The following MECOM variants were observed in gnomAD, a reference collection of about 807,000 sequenced individuals.
The protein encoded by MECOM is histone-lysine N-methyltransferase MECOM.
MECOM carries 13 observed loss-of-function variants against 116.3 expected under a neutral mutation model. That is an observed-to-expected ratio of 0.11 (90% CI 0.07 to 0.18). The LOEUF is 0.18. MECOM is among the 10% of genes least tolerant of loss of function. The pLI is 1.00. For missense variants in MECOM, 1,299 were observed against 1,509.0 expected (o/e 0.86, Z 2.31); for synonymous variants, 528 against 535.2 (o/e 0.99, Z 0.19).
intron 1 of MECOM, among the ~76,000 whole-genome samples, chr3:169,415,107 G>A (rs1738319358): frequency 6.6e-6 from 1 of 152,162 alleles, no homozygotes; most frequent in Non-Finnish European, 1.5e-5. Context: ...TGAAATGAAG[G>A]AAAATTTGTT....
chr3:169,192,062 T>C (rs937874939), intron 2 of MECOM, among the ~76,000 whole-genome samples: 3 of 152,074 alleles, frequency 2.0e-5, no homozygotes, highest in African/African-American at 7.2e-5. Context: ...CTTGATTTAC[T>C]GGACTGTTAA....
intron 2 of MECOM, among the ~76,000 whole-genome samples, chr3:169,169,221 G>T (rs1212864916): frequency 6.6e-6 from 1 of 151,736 alleles, no homozygotes; most frequent in African/African-American, 2.4e-5. Flanking sequence ...AATTACACAT[G>T]ATTTTTAGCA....
chr3:169,157,752 T>C (rs1742202836), intron 2 of MECOM, among the ~76,000 whole-genome samples: 1 of 152,190 alleles, frequency 6.6e-6, no homozygotes, highest in Non-Finnish European at 1.5e-5. Context: ...GTTTTCTATG[T>C]AGTTCTTGGC....
chr3:169,504,768 A>G (rs1754990936), intron 1 of MECOM, among the ~76,000 whole-genome samples: 1 of 152,206 alleles, frequency 6.6e-6, no homozygotes, highest in Non-Finnish European at 1.5e-5. Flanking sequence ...TTGCCTATCC[A>G]GAAACCAGGG....
intron 2 of MECOM, among the ~76,000 whole-genome samples, chr3:169,259,116 G>T (rs1274167): frequency 0.89 from 135,562 of 152,178 alleles, 60,857 homozygotes; most frequent in East Asian, 0.95. Flanking sequence ...CTAATGAGTT[G>T]TATTATATTT....
intron 2 of MECOM, among the ~76,000 whole-genome samples, chr3:169,152,462 G>A (rs980553182): frequency 3.3e-5 from 5 of 152,128 alleles, no homozygotes; most frequent in Non-Finnish European, 7.4e-5. Context: ...CAAGGTCAGG[G>A]CACCTAACAG....
intron 2 of MECOM, among the ~76,000 whole-genome samples, chr3:169,197,163 T>C (rs1348312648): frequency 6.6e-6 from 1 of 151,830 alleles, no homozygotes; most frequent in Non-Finnish European, 1.5e-5. Context: ...GGACGCACTT[T>C]AGGGTGGAGA....
At position 169,309,152 on chromosome 3, in the gene MECOM, C is replaced by G. The variant is rs139931733; in HGVS notation, c.375+72035G>C. On this transcript the variant is annotated intron_variant, in intron 2 of 16. Transcript: ENST00000651503. The stretch of plus-strand genomic sequence containing the variant: ...CCTGAAACCGGACTCTATAAACATG[C>G]AAGATCTAAAAGAAAAAAGGATATG... Among the ~76,000 whole-genome samples, 137 of 152,118 alleles carry G rather than the reference C, an allele frequency of 9.0e-4. 2 individuals carry two copies. The highest frequency in any genetic ancestry group is 3.2e-3 in the African/African-American group (134 of 41,516).
At chr3:169,332,198 C>T (rs1463647255) in intron 2 of MECOM, among the ~76,000 whole-genome samples, 1 of 151,980 alleles carries the variant, frequency 6.6e-6, no homozygotes, top group East Asian at 1.9e-4. Context: ...ATAGGTAGGA[C>T]CTTGTCCTAG....
intron 2 of MECOM, among the ~76,000 whole-genome samples, chr3:169,203,548 C>T (rs1036813112): frequency 9.9e-5 from 15 of 152,090 alleles, no homozygotes; most frequent in African/African-American, 3.6e-4. Flanking sequence ...ACTTTATAAA[C>T]TAAAATGCAC....
intron 1 of MECOM, among the ~76,000 whole-genome samples, chr3:169,647,063 A>G (rs1438323373): frequency 6.6e-6 from 1 of 152,132 alleles, no homozygotes; most frequent in Admixed American, 6.5e-5. Flanking sequence ...TTTTTTCCAA[A>G]ATCTTATTAC....
At chr3:169,210,945 G>A (rs149207021) in intron 2 of MECOM, among the ~76,000 whole-genome samples, 1 of 152,110 alleles carries the variant, frequency 6.6e-6, no homozygotes, top group Non-Finnish European at 1.5e-5. Context: ...TGCCCATTGA[G>A]TGGCATATAT....
intron 2 of MECOM, among the ~76,000 whole-genome samples, chr3:169,314,027 G>C (rs1719281994): frequency 6.6e-6 from 1 of 152,094 alleles, no homozygotes; most frequent in Admixed American, 6.6e-5. Flanking sequence ...AGAATGTAAG[G>C]TTCCTTATGG....
At chr3:169,623,424 A>G (rs906566661) in intron 1 of MECOM, among the ~76,000 whole-genome samples, 2 of 152,156 alleles carry the variant, frequency 1.3e-5, no homozygotes, top group East Asian at 3.8e-4. Context: ...CAAGCAATTA[A>G]TCAATTCTAG....
chr3:169,378,670 GAC>G (rs759843055), intron 2 of MECOM, among the ~76,000 whole-genome samples: 6 of 151,806 alleles, frequency 4.0e-5, no homozygotes, highest in African/African-American at 1.5e-4. Context: ...GTGTCAAAAT[GAC>G]ACATTTTTTT....
chr3:169,228,414 A>C (rs1752994088), intron 2 of MECOM, among the ~76,000 whole-genome samples: 1 of 152,238 alleles, frequency 6.6e-6, no homozygotes, highest in South Asian at 2.1e-4. Flanking sequence ...ACTGCAAAGC[A>C]GGAGAGGACA....
chr3:169,369,416 G>A (rs1420617905), intron 2 of MECOM, among the ~76,000 whole-genome samples: 4 of 132,688 alleles, frequency 3.0e-5, no homozygotes, highest in African/African-American at 5.8e-5. Flanking sequence ...GGATGAATAC[G>A]GCTCACTGCA....
chr3:169,598,847 A>C (rs1340101115), intron 1 of MECOM, among the ~76,000 whole-genome samples: 22 of 152,228 alleles, frequency 1.4e-4, no homozygotes, highest in Admixed American at 1.4e-3. Context: ...AGAGTGAAGA[A>C]GAAAATATGG....
At chr3:169,507,649 G>GTTTT (rs1491033517) in intron 1 of MECOM, among the ~76,000 whole-genome samples, 2 of 65,096 alleles carry the variant, frequency 3.1e-5, no homozygotes, top group African/African-American at 1.4e-4. Flanking sequence ...ATCCCCACTT[G>GTTTT]CTTTTTTTTT....
Sources: gnomAD v4.1 joint callset for allele counts (sites outside exome capture counted in the v4.1 genomes callset) on GRCh38, gnomAD v4.1.1 for gene constraint, MANE v1.5 for transcripts, NCBI Gene and HGNC (gene_info 2026-07-23, HGNC 2026-07-21) for gene names.